Variants in SBNO1 observed in about 807,000 individuals in gnomAD.
The protein encoded by SBNO1 is strawberry notch homolog 1.
SBNO1 carries 23 observed loss-of-function variants against 173.6 expected under a neutral mutation model. That is an observed-to-expected ratio of 0.13 (90% CI 0.10 to 0.19). The LOEUF (loss-of-function observed/expected upper bound fraction) is 0.19. SBNO1 is among the 10% of genes least tolerant of loss of function. The pLI, the probability that SBNO1 is intolerant of heterozygous loss-of-function variation, is 1.00. For missense variants in SBNO1, 1,238 were observed against 1,671.2 expected, an observed-to-expected ratio of 0.74 and a Z score of 4.52; for synonymous variants, 632 against 571.5, an observed-to-expected ratio of 1.11 and a Z score of -1.51.
intron 6 of SBNO1, among the ~76,000 whole-genome samples, chr12:123,335,053 A>G (rs1446575540): frequency 6.6e-6 from 1 of 152,238 alleles, no homozygotes; most frequent in Non-Finnish European, 1.5e-5. Flanking sequence ...TTAGCTGGGC[A>G]TGGTGGTGGG....
Position 123,348,019 on chromosome 12 carries a change from T to C in SBNO1, c.237+10A>G. The C allele has an allele frequency of 1.3e-6, 2 of 1,517,428 alleles. No homozygotes were observed. The highest frequency in any genetic ancestry group is 4.6e-5 in the East Asian group (2 of 43,880). 94.0% of individuals were successfully genotyped at this position (1,517,428 alleles called of 1,614,324 possible). A position where few individuals can be genotyped will look rare whatever the true frequency, so the allele number is the denominator to read the frequency against. On this transcript the variant is annotated intron_variant, in intron 3 of 31. Coordinates refer to ENST00000602398, the MANE Select transcript of SBNO1 (RefSeq NM_001167856.3). The stretch of plus-strand genomic sequence containing the variant: ...TTTTAGAAGTAACGACGAATCTAAA[T>C]CATTCTTACCCTCACATTTAATAGT...
At position 123,350,461 on chromosome 12, in the gene SBNO1, A is replaced by G. The variant is rs751897115; in HGVS notation, c.1-20T>C. On this transcript the variant is annotated intron_variant, in intron 1 of 31. Coordinates refer to ENST00000602398, the MANE Select transcript of SBNO1 (RefSeq NM_001167856.3). ...CACCATCTTTAAAGGGAAATATTAA[A>G]TATTAACATAAAAAACAAAAAGTGA... 8.1e-6 allele frequency: 13 copies of G among 1,602,222 alleles called. No homozygotes were observed. The South Asian group carries it at 1.4e-4, about 18-fold the overall frequency.
chr12:123,291,243 G>A lies in SBNO1; in HGVS notation c.*4665C>T, dbSNP rs187874574. 3.9e-5 allele frequency: 6 copies of A among 152,320 alleles called. No individual in the cohort carries two copies. Among genetic ancestry groups the A allele is most frequent in the African/African-American group, 1.4e-4 (6 of 41,570 alleles). The allele number at this position is 152,320 out of a possible 1,614,324, so 9.4% of individuals were successfully genotyped here. A position where few individuals can be genotyped will look rare whatever the true frequency, so the allele number is the denominator to read the frequency against. On this transcript the variant is annotated 3_prime_UTR_variant, in exon 32 of 32. Coordinates refer to ENST00000602398, the MANE Select transcript of SBNO1 (RefSeq NM_001167856.3). ...GGGAATTTGCTGCAGCAGCAGGCCA[G>A]AAACCACTGTTTCAAATCTGCAAGA...
Position 123,346,285 on chromosome 12 carries a change from CTTGA to C in SBNO1, c.238-719_238-716del, listed in dbSNP as rs763288894. On this transcript the variant is annotated intron_variant, in intron 3 of 31. Transcript: ENST00000602398. ...ACTAGTAACAGAAAGTTTCTAATGCCTTGATTGATGACATTTTCACTTTTTTCCT... is the reference window on the plus strand; with the variant it reads ...ACTAGTAACAGAAAGTTTCTAATGCCTTGATGACATTTTCACTTTTTTCCT... Among the ~76,000 whole-genome samples, 16 of 152,278 alleles carry C rather than the reference CTTGA, an allele frequency of 1.1e-4. No homozygotes were observed. In the East Asian group the frequency reaches 2.9e-3, roughly 28 times the overall value.
At chr12:123,304,956 A>T (rs756562844) in intron 28 of SBNO1, among the ~76,000 whole-genome samples, 4 of 152,232 alleles carry the variant, frequency 2.6e-5, no homozygotes, top group Non-Finnish European at 5.9e-5. Context: ...AGTTATCTTC[A>T]GAAAACTACG....
In SBNO1 at chr12:123,297,209, A is replaced by C. The variant is rs546392982; in HGVS notation, c.4039+769T>G. Among the ~76,000 whole-genome samples the C allele has an allele frequency of 8.6e-5, 13 of 150,758 alleles. No homozygotes were observed. In the South Asian group the frequency reaches 2.5e-3, roughly 30 times the overall value. ...AACCCATCTCCACTAAAAAAATATA[A>C]AAATTAGCCAGGTGTGGTGGTGCAT... is the stretch of plus-strand genomic sequence containing the variant. On this transcript the variant is annotated intron_variant, in intron 31 of 31. Transcript: ENST00000602398.
intron 6 of SBNO1, among the ~76,000 whole-genome samples, chr12:123,335,099 G>A (rs1276711443): frequency 6.6e-6 from 1 of 152,228 alleles, no homozygotes; most frequent in East Asian, 1.9e-4. Flanking sequence ...TCTGAGACAG[G>A]AGGATTGCTT....
intron 28 of SBNO1, among the ~76,000 whole-genome samples, chr12:123,306,760 T>G (rs919553928): frequency 1.3e-5 from 2 of 152,128 alleles, no homozygotes; most frequent in Non-Finnish European, 2.9e-5. Context: ...AACATCTTGG[T>G]TGTGATATTA....
At chr12:123,356,890 A>C (rs1874522836) in intron 1 of SBNO1, among the ~76,000 whole-genome samples, 2 of 152,192 alleles carry the variant, frequency 1.3e-5, no homozygotes, top group African/African-American at 4.8e-5. Flanking sequence ...AAATATCTTC[A>C]CCTTAGCTAA....
chr12:123,329,527 GATTA>G (rs766953866), intron 9 of SBNO1, among the ~76,000 whole-genome samples: 8 of 151,914 alleles, frequency 5.3e-5, no homozygotes, highest in Non-Finnish European at 8.8e-5. Flanking sequence ...AAAACACTGT[GATTA>G]ATTTCTGATA....
intron 5 of SBNO1, among the ~76,000 whole-genome samples, chr12:123,340,436 C>T (rs537890110): frequency 6.6e-6 from 1 of 151,892 alleles, no homozygotes; most frequent in Non-Finnish European, 1.5e-5. Context: ...CAAAAATTAG[C>T]CAAGCATGGT....
At chr12:123,357,458 AACAGTCAGGCAT>A (rs949065173) in intron 1 of SBNO1, among the ~76,000 whole-genome samples, 1 of 150,076 alleles carries the variant, frequency 6.7e-6, no homozygotes, top group African/African-American at 2.5e-5. Context: ...CAAAACAACA[AACAGTCAGGCAT>A]GGTGGCTCAC....
chr12:123,364,481 AAC>A, intron 1 of SBNO1: 1 of 983,604 alleles, frequency 1.0e-6, no homozygotes, highest in Non-Finnish European at 1.2e-6. Context: ...GGCGCTGACG[AAC>A]AGAGGAAGCG....
In SBNO1 at chr12:123,334,116, C is replaced by T. The variant is rs757001228; in HGVS notation, c.846G>A (p.Glu282=). 3.1e-6 allele frequency: 5 copies of T among 1,606,426 alleles called. No homozygotes were observed. The East Asian group carries it at 9.0e-5, about 29-fold the overall frequency. Residue 282 remains glutamate (E), a synonymous_variant, in exon 7 of 32, where the codon GAG becomes GAA. Coordinates refer to ENST00000602398, the MANE Select transcript of SBNO1 (RefSeq NM_001167856.3). ...ATAACCAGCCATTATCAATGGTTTCCTCAGAAATGGATGTTTTGTACCAAA... is the reference window on the plus strand; with the variant it reads ...ATAACCAGCCATTATCAATGGTTTCTTCAGAAATGGATGTTTTGTACCAAA... The part of the protein sequence containing the change: ...PDVWYKTSIS[E]ETIDNGWLSA...
At chr12:123,317,764 C>G (rs946195778) in intron 20 of SBNO1, among the ~76,000 whole-genome samples, 1 of 152,164 alleles carries the variant, frequency 6.6e-6, no homozygotes, top group Non-Finnish European at 1.5e-5. Context: ...TCCACCTACC[C>G]AAATGTGTCC....
intron 24 of SBNO1, 82 bp downstream of exon 24, chr12:123,313,538 T>C (rs758001409): frequency 2.8e-6 from 2 of 714,198 alleles, no homozygotes; most frequent in Non-Finnish European, 2.3e-6. Context: ...AAAAAACTAA[T>C]ATAACAGCAA....
chr12:123,309,752 G>T lies in SBNO1; in HGVS notation c.3400C>A (p.Gln1134Lys), dbSNP rs748816801. ...YFADTLTAVV[Q>K]NAKKNGRYDM... Reference sequence around the variant, plus strand: ...TATCTTCCATTTTTTTTGGCATTTTGAACAACTGCAGTAAGTGTGTCCGCA... The same window carrying T: ...TATCTTCCATTTTTTTTGGCATTTTTAACAACTGCAGTAAGTGTGTCCGCA... Residue 1134 changes from glutamine to lysine, a missense_variant, in exon 26 of 32, where the codon CAA (glutamine) becomes AAA (lysine). By Grantham distance (53) the Gln-to-Lys change is moderately conservative. Around this residue, in one of 14 missense-constraint regions of SBNO1, gnomAD observed 351 missense variants for 420.3 expected, o/e 0.84. Coordinates refer to ENST00000602398, the MANE Select transcript of SBNO1 (RefSeq NM_001167856.3). 16 of 1,611,602 alleles carry T rather than the reference G, an allele frequency of 9.9e-6. No homozygotes were observed. Among genetic ancestry groups the T allele is most frequent in the Admixed American group, 1.7e-5 (1 of 59,546 alleles).
In SBNO1 at chr12:123,291,827, A is replaced by C. The variant is rs958487293; in HGVS notation, c.*4081T>G. ...ATTATTTACATTCAGAATCCAGAAGAACTCAACATTTCTCTATATATACAT... is the reference window on the plus strand; with the variant it reads ...ATTATTTACATTCAGAATCCAGAAGCACTCAACATTTCTCTATATATACAT... On this transcript the variant is annotated 3_prime_UTR_variant, in exon 32 of 32. Transcript: ENST00000602398. The C allele has an allele frequency of 6.6e-6, 1 of 152,088 alleles. No individual in the cohort carries two copies. Among genetic ancestry groups the C allele is most frequent in the Admixed American group, 6.6e-5 (1 of 15,252 alleles). The allele number at this position is 152,088 out of a possible 1,614,324, so 9.4% of individuals were successfully genotyped here. A position where few individuals can be genotyped will look rare whatever the true frequency, so the allele number is the denominator to read the frequency against.
At chr12:123,361,611 G>A (rs1875186082) in intron 1 of SBNO1, among the ~76,000 whole-genome samples, 1 of 151,622 alleles carries the variant, frequency 6.6e-6, no homozygotes, top group East Asian at 1.9e-4. Flanking sequence ...GCGTGTACCT[G>A]TAATCCCAGC....
Sources: allele counts gnomAD v4.1 joint callset (sites outside exome capture counted in the v4.1 genomes callset), GRCh38; gene constraint gnomAD v4.1.1; regional missense constraint gnomAD v4.1.1; transcripts MANE v1.5; gene names NCBI Gene and HGNC (gene_info 2026-07-23, HGNC 2026-07-21).